Variants in ACAT2 observed in about 807,000 individuals in gnomAD.
The protein encoded by ACAT2 is acetyl-CoA acetyltransferase 2.
In ACAT2, 26 loss-of-function variants were observed where a neutral mutation model predicts 37.1. That is an observed-to-expected ratio of 0.70 (90% CI 0.51 to 0.97). The LOEUF is 0.97. Ranked by LOEUF, ACAT2 falls within the 50% of genes least tolerant of loss-of-function variation. The pLI, the probability that ACAT2 is intolerant of heterozygous loss-of-function variation, is 0.00. For synonymous variants in ACAT2, 156 were observed against 163.6 expected (o/e 0.95, Z 0.35); for missense variants, 468 against 489.0 (o/e 0.96, Z 0.40).
intron 4 of ACAT2, among the ~76,000 whole-genome samples, chr6:159,771,336 C>T (rs62439364): frequency 0.016 from 2,412 of 152,212 alleles, 39 homozygotes; most frequent in Non-Finnish European, 0.024. Context: ...GCTGAGATCA[C>T]GCCATTGCAC....
intron 1 of ACAT2, 134 bp downstream of exon 1, chr6:159,762,276 A>C (rs1780155807): frequency 7.7e-7 from 1 of 1,293,872 alleles, no homozygotes; most frequent in Non-Finnish European, 1.0e-6. Flanking sequence ...GAGCCGCGGG[A>C]TCCCTGGAAC....
rs369853344 is a variant in ACAT2 at position 159,767,108 on chromosome 6, T to C, written c.294T>C (p.Ala98=). 3.1e-6 allele frequency: 5 copies of C among 1,614,084 alleles called. No individual in the cohort carries two copies. The African/African-American group carries it at 6.7e-5, about 22-fold the overall frequency. The change falls in exon 3 of 9, where the codon GCT becomes GCC. Residue 98 remains alanine, a synonymous_variant. Coordinates refer to ENST00000367048, the MANE Select transcript of ACAT2 (RefSeq NM_005891.3). The part of the protein sequence containing the change: ...CQMICGSGLK[A]VCLAVQSIGI... Reference sequence around the variant, plus strand: ...TGATCTGTGGGTCAGGCCTAAAAGCTGTGTGCCTTGCAGTCCAGTCAATAG... The same window carrying C: ...TGATCTGTGGGTCAGGCCTAAAAGCCGTGTGCCTTGCAGTCCAGTCAATAG...
intron 4 of ACAT2, among the ~76,000 whole-genome samples, chr6:159,769,550 T>C (rs571474112): frequency 6.6e-6 from 1 of 152,346 alleles, no homozygotes; most frequent in South Asian, 2.1e-4. Context: ...ATGGAGTAAT[T>C]GACAAAGATT....
rs563016816 is a variant in ACAT2, at chr6:159,776,434, A to C, written c.757+162A>C. ...AGCAATATGATCATTGCTCACTTGC[A>C]GCCTCAAACTCCTGGGCTCAAGTGA... On this transcript the variant is annotated intron_variant, in intron 6 of 8. Transcript: ENST00000367048. 2.6e-4 allele frequency among the ~76,000 whole-genome samples: 40 copies of C among 152,314 alleles called. 1 individual carries two copies. In the East Asian group the frequency reaches 2.9e-3, roughly 11 times the overall value.
At chr6:159,771,446 T>C (rs1780335330) in intron 4 of ACAT2, among the ~76,000 whole-genome samples, 9 of 151,970 alleles carry the variant, frequency 5.9e-5, no homozygotes, top group Admixed American at 5.9e-4. Context: ...AGGACTAGCA[T>C]GCATGGAATA....
chr6:159,776,826 T>C lies in ACAT2; in HGVS notation c.758-476T>C, dbSNP rs148664895. ...CTTTTTGAGACGGAGCCTCACTCTG[T>C]CGCCCAGGCTGGAGTGCAGTGGTGC... On this transcript the variant is annotated intron_variant, in intron 6 of 8. Coordinates refer to ENST00000367048, the MANE Select transcript of ACAT2 (RefSeq NM_005891.3). Among the ~76,000 whole-genome samples the C allele has an allele frequency of 2.9e-3, 445 of 152,262 alleles. 10 individuals carry two copies. The East Asian group carries it at 0.038, about 13-fold the overall frequency.
At chr6:159,775,770 G>T (rs73585626) in intron 5 of ACAT2, 8,155 of 205,260 alleles carry the variant, frequency 0.04, 271 homozygotes, top group African/African-American at 0.082. Flanking sequence ...CTCCCTTATT[G>T]ATAACTGATA....
rs1562480563 is a variant in ACAT2 at position 159,778,206 on chromosome 6, A to G, written c.949A>G (p.Ile317Val). 7.4e-6 allele frequency: 12 copies of G among 1,612,908 alleles called. No individual in the cohort carries two copies. Among genetic ancestry groups the G allele is most frequent in the Admixed American group, 1.7e-5 (1 of 59,914 alleles). The change falls in exon 8 of 9, where the codon ATA becomes GTA. Residue 317 changes from isoleucine (I) to valine (V), a missense_variant. Ile to Val is a conservative substitution (Grantham distance 29, BLOSUM62 3). Coordinates refer to ENST00000367048, the MANE Select transcript of ACAT2 (RefSeq NM_005891.3). ...KAGWSLEDVDIFEINEAFAAV... is the reference protein window; with the variant it reads ...KAGWSLEDVDVFEINEAFAAV... ...AGGTTGGTCACTGGAAGATGTTGAC[A>G]TATTTGAAATCAATGAAGCCTTTGC...
chr6:159,762,809 C>T, intron 1 of ACAT2, 110 bp from the exon 2 acceptor site: 1 of 1,592,864 alleles, frequency 6.3e-7, no homozygotes, highest in Non-Finnish European at 8.5e-7. Context: ...GAGGGCACTG[C>T]CTCCTCGCGT....
At chr6:159,763,811 A>G (rs1260771304) in intron 2 of ACAT2, among the ~76,000 whole-genome samples, 1 of 149,638 alleles carries the variant, frequency 6.7e-6, no homozygotes, top group African/African-American at 2.5e-5. Flanking sequence ...ATTCTTACGA[A>G]GCAGGGCCGG....
rs1329637762 is a variant in ACAT2 at position 159,772,821 on chromosome 6, A to AG, written c.491-2349_491-2348insG. Among the ~76,000 whole-genome samples the AG allele has an allele frequency of 1.5e-3, 222 of 151,334 alleles. 1 individual carries two copies. Among genetic ancestry groups the AG allele is most frequent in the African/African-American group, 2.5e-3 (104 of 41,286 alleles). On this transcript the variant is annotated intron_variant, in intron 4 of 8. Transcript: ENST00000367048. The stretch of plus-strand genomic sequence containing the variant: ...AGACATCATCCAACAAAAAAAAAAA[A>AG]AAAGAAAGAAAAACAGCTTGATAAG...
chr6:159,778,549 T>C, intron 8 of ACAT2, 110 bp from the exon 9 acceptor site: 1 of 1,235,606 alleles, frequency 8.1e-7, no homozygotes, highest in Non-Finnish European at 1.1e-6. Flanking sequence ...AATGAAAATT[T>C]GAGTTTGAAA....
intron 5 of ACAT2, 25 bp downstream of exon 5, chr6:159,775,338 C>T (rs1780396478): frequency 4.4e-6 from 7 of 1,607,594 alleles, no homozygotes; most frequent in Non-Finnish European, 6.0e-6. Context: ...GTGGTTTAAA[C>T]ATCAACCTAT....
intron 4 of ACAT2, among the ~76,000 whole-genome samples, chr6:159,773,646 G>A (rs114229376): frequency 0.016 from 2,428 of 152,198 alleles, 74 homozygotes; most frequent in African/African-American, 0.055. Flanking sequence ...GTAATGGGTT[G>A]TAACTGCCTA....
At chr6:159,772,878 C>CTT (rs890561739) in intron 4 of ACAT2, among the ~76,000 whole-genome samples, 48 of 151,772 alleles carry the variant, frequency 3.2e-4, no homozygotes, top group African/African-American at 1.1e-3. Flanking sequence ...AAAGCAATAA[C>CTT]TTTTTTGTGT....
Position 159,762,945 on chromosome 6 carries a change from G to A in ACAT2, c.82G>A (p.Val28Ile), listed in dbSNP as rs1053464841. 6.2e-7 allele frequency: 1 copy of A among 1,613,688 alleles called. No homozygotes were observed. Among genetic ancestry groups the A allele is most frequent in the African/African-American group, 1.3e-5 (1 of 74,918 alleles). Residue 28 changes from valine to isoleucine, a missense_variant, in exon 2 of 9, where the codon GTT becomes ATT. Coordinates refer to ENST00000367048, the MANE Select transcript of ACAT2 (RefSeq NM_005891.3). Reference sequence around the variant, plus strand: ...TTCCTTCAATGGTGCCTTAGCTGCTGTTCCTGTCCAGGACCTGGGCTCCAC... The same window carrying A: ...TTCCTTCAATGGTGCCTTAGCTGCTATTCCTGTCCAGGACCTGGGCTCCAC... ...IGSFNGALAA[V>I]PVQDLGSTVI...
At chr6:159,775,142 G>T in intron 4 of ACAT2, 28 bp from the exon 5 acceptor site, 1 of 1,611,064 alleles carries the variant, frequency 6.2e-7, no homozygotes, top group South Asian at 1.1e-5. Context: ...GAAAATGTTA[G>T]TTTTTTGCTG....
In ACAT2 at chr6:159,764,061, A is replaced by G. The variant is rs780466479; in HGVS notation, c.190+1008A>G. Among the ~76,000 whole-genome samples the G allele has an allele frequency of 1.0e-3, 156 of 151,878 alleles. 4 individuals are homozygous for G. The highest frequency in any genetic ancestry group is 8.1e-4 in the Non-Finnish European group (55 of 67,954). On this transcript the variant is annotated intron_variant, in intron 2 of 8. Transcript: ENST00000367048. ...GCTTGCAGTGAGCTGAGATTGTGCCACTGCACTCCATTCAGCCTGGGCAAC... is the reference window on the plus strand; with the variant it reads ...GCTTGCAGTGAGCTGAGATTGTGCCGCTGCACTCCATTCAGCCTGGGCAAC...
At chr6:159,766,950 T>C in intron 2 of ACAT2, 55 bp from the exon 3 acceptor site, 1 of 1,603,078 alleles carries the variant, frequency 6.2e-7, no homozygotes, top group Non-Finnish European at 8.5e-7. Flanking sequence ...ACTTTCACTG[T>C]GACATTTTGT....
Sources: allele counts gnomAD v4.1 joint callset (sites outside exome capture counted in the v4.1 genomes callset), GRCh38; gene constraint gnomAD v4.1.1; transcripts MANE v1.5; gene names NCBI Gene and HGNC (gene_info 2026-07-23, HGNC 2026-07-21).